The following SFI1 variants were observed in gnomAD, a reference collection of about 807,000 sequenced individuals.
The protein encoded by SFI1 is protein SFI1 homolog.
Under a neutral mutation model 207.5 loss-of-function variants are expected in SFI1, and 195 were observed. The ratio of observed to expected loss-of-function variants is 0.94; its 90% CI spans 0.84 to 1.06. SFI1 has a LOEUF of 1.06. Among genes scored for constraint, SFI1 ranks in the 50% least tolerant of loss-of-function variants. The pLI is 0.00. For synonymous variants in SFI1, 630 were observed against 598.9 expected (o/e 1.05, Z -0.76); for missense variants, 1,634 against 1,588.0 (o/e 1.03, Z -0.49).
intron 20 of SFI1, chr22:31,606,037 C>T: frequency 5.4e-6 from 2 of 370,528 alleles, no homozygotes; most frequent in Non-Finnish European, 1.0e-5. Context: ...GTGTGAGTCA[C>T]CTGTGTTGCC....
intron 2 of SFI1, among the ~76,000 whole-genome samples, chr22:31,524,097 G>A (rs2057609999): frequency 6.6e-6 from 1 of 152,018 alleles, no homozygotes. Context: ...ACCTACTTGG[G>A]AGACTGAGGC....
chr22:31,518,282 A>G (rs2056791692), intron 2 of SFI1, among the ~76,000 whole-genome samples: 1 of 152,176 alleles, frequency 6.6e-6, no homozygotes, highest in Non-Finnish European at 1.5e-5. Context: ...AGTGTAAGCC[A>G]CTGTGCCCAG....
chr22:31,547,077 G>T (rs2060160436), intron 5 of SFI1, 106 bp downstream of exon 5: 12 of 818,662 alleles, frequency 1.5e-5, no homozygotes, highest in Non-Finnish European at 1.9e-5. Context: ...GTCACTTTTG[G>T]TTTTTCTTCA....
At chr22:31,547,402 C>T (rs1446118970) in intron 5 of SFI1, among the ~76,000 whole-genome samples, 1 of 152,180 alleles carries the variant, frequency 6.6e-6, no homozygotes, top group Non-Finnish European at 1.5e-5. Context: ...CTTCCGTCTC[C>T]TAGGTTCAAG....
At chr22:31,575,575 A>G (rs1333891974) in intron 10 of SFI1, among the ~76,000 whole-genome samples, 183 bp downstream of exon 10, 1 of 152,226 alleles carries the variant, frequency 6.6e-6, no homozygotes, top group Non-Finnish European at 1.5e-5. Context: ...AAGAGTGCTT[A>G]TATATAGTTT....
At chr22:31,563,367 A>G (rs2061928983) in intron 8 of SFI1, among the ~76,000 whole-genome samples, 1 of 152,132 alleles carries the variant, frequency 6.6e-6, no homozygotes, top group South Asian at 2.1e-4. Flanking sequence ...TGGAACTGAT[A>G]AATGGGAAAA....
intron 1 of SFI1, among the ~76,000 whole-genome samples, chr22:31,500,329 T>C (rs2053529503): frequency 2.0e-5 from 3 of 151,314 alleles, no homozygotes; most frequent in Admixed American, 2.0e-4. Flanking sequence ...ATTCCAACCT[T>C]CAGCAATCAC....
rs866881942 is a variant in SFI1 at position 31,509,901 on chromosome 22, C to T, written c.92+1525C>T. 2.6e-5 allele frequency among the ~76,000 whole-genome samples: 4 copies of T among 151,966 alleles called. No homozygotes were observed. The South Asian group carries it at 8.3e-4, about 32-fold the overall frequency. On this transcript the variant is annotated intron_variant, in intron 2 of 32. Transcript: ENST00000400288. ...CTATTTTCTGGAAGAGTTTATGGAG[C>T]ATTGTTTTGATATTTATTTATTTAT...
Position 31,561,330 on chromosome 22 carries a change from C to A in SFI1, c.703C>A (p.Arg235Ser), listed in dbSNP as rs749607014. The A allele has an allele frequency of 1.1e-5, 18 of 1,613,994 alleles. No homozygotes were observed. The highest frequency in any genetic ancestry group is 1.0e-4 in the Admixed American group (6 of 59,986). Residue 235 changes from arginine to serine, a missense_variant, in exon 8 of 33, where the codon CGT (arginine) becomes AGT (serine). Coordinates refer to ENST00000400288, the MANE Select transcript of SFI1 (RefSeq NM_001007467.3). ...STWRQRLGQV[R>S]VSRALHASAL... ...GTGGAGGCAGCGACTAGGACAGGTC[C>A]GTGTGAGCCGTGCCCTCCATGCCTC...
chr22:31,596,417 T>C (rs2067123686), intron 15 of SFI1, among the ~76,000 whole-genome samples: 2 of 152,296 alleles, frequency 1.3e-5, no homozygotes, highest in African/African-American at 4.8e-5. Context: ...AGGACATCTC[T>C]TGTCTCTTCT....
intron 31 of SFI1, among the ~76,000 whole-genome samples, chr22:31,617,422 T>C (rs1377480489): frequency 6.6e-6 from 1 of 151,956 alleles, no homozygotes; most frequent in Non-Finnish European, 1.5e-5. Flanking sequence ...AACACTGATA[T>C]TAAAGGTGCA....
chr22:31,565,921 G>A (rs1327692898), intron 8 of SFI1, among the ~76,000 whole-genome samples: 1 of 151,948 alleles, frequency 6.6e-6, no homozygotes, highest in African/African-American at 2.4e-5. Context: ...CTTACACCTT[G>A]GCTTCTTAAA....
At chr22:31,514,916 C>T (rs1175946839) in intron 2 of SFI1, among the ~76,000 whole-genome samples, 2 of 151,934 alleles carry the variant, frequency 1.3e-5, no homozygotes, top group African/African-American at 2.4e-5. Flanking sequence ...GGACTACAGG[C>T]GTGTGCCACC....
At chr22:31,509,159 A>G (rs2055116634) in intron 2 of SFI1, among the ~76,000 whole-genome samples, 1 of 152,166 alleles carries the variant, frequency 6.6e-6, no homozygotes, top group Non-Finnish European at 1.5e-5. Flanking sequence ...TTTATATGGC[A>G]TATAGTTGTG....
At chr22:31,588,917 G>T (rs2065404589) in intron 14 of SFI1, among the ~76,000 whole-genome samples, 1 of 151,852 alleles carries the variant, frequency 6.6e-6, no homozygotes, top group African/African-American at 2.4e-5. Flanking sequence ...GACATATATG[G>T]TATATTCTTA....
At chr22:31,604,828 G>A (rs1326978995) in intron 19 of SFI1, 41 bp from the exon 20 acceptor site, 3 of 1,579,186 alleles carry the variant, frequency 1.9e-6, no homozygotes, top group Admixed American at 1.7e-5. Context: ...AGGGGGAAGT[G>A]TGGGCCCAAG....
intron 27 of SFI1, chr22:31,614,362 G>GC (rs2070972640): frequency 5.4e-6 from 2 of 372,864 alleles, no homozygotes; most frequent in Admixed American, 7.4e-5. Context: ...GAAGCTGGTG[G>GC]CTCCCACAGC....
intron 4 of SFI1, among the ~76,000 whole-genome samples, chr22:31,536,521 C>G (rs929078350): frequency 6.6e-6 from 1 of 152,194 alleles, no homozygotes; most frequent in South Asian, 2.1e-4. Flanking sequence ...AAGCAATTCT[C>G]CTGCCTCCGC....
intron 8 of SFI1, among the ~76,000 whole-genome samples, chr22:31,563,597 T>G (rs78553774): frequency 6.6e-6 from 1 of 151,888 alleles, no homozygotes; most frequent in African/African-American, 2.4e-5. Flanking sequence ...TTGTTTGTTT[T>G]TTTGTTTTGA....
Sources: allele counts gnomAD v4.1 joint callset (sites outside exome capture counted in the v4.1 genomes callset), GRCh38; gene constraint gnomAD v4.1.1; transcripts MANE v1.5; gene names NCBI Gene and HGNC (gene_info 2026-07-23, HGNC 2026-07-21).